BLTP1: variants seen among roughly 807,000 people sequenced by gnomAD.
The protein encoded by BLTP1 is bridge-like lipid transfer protein family member 1.
chr4:122,207,310 G>T, the BLTP1 span: 3 of 1,503,992 alleles, frequency 2.0e-6, no homozygotes, highest in South Asian at 3.6e-5. Context: ...TCTCATTAAG[G>T]CAAATACCAA....
chr4:122,244,902 A>C, the BLTP1 span: 4 of 1,260,666 alleles, frequency 3.2e-6, no homozygotes, highest in African/African-American at 6.1e-5. Flanking sequence ...TTCTCATTTC[A>C]ATGTTGAGCA....
At chr4:122,273,162 T>C in the BLTP1 span, 396 of 923,846 alleles carry the variant, frequency 4.3e-4, no homozygotes, top group Middle Eastern at 5.5e-4. Flanking sequence ...AAGGAAGTTA[T>C]CAATCACCAT....
the BLTP1 span, chr4:122,229,241 G>A: frequency 3.1e-6 from 5 of 1,595,068 alleles, no homozygotes; most frequent in Non-Finnish European, 4.3e-6. Flanking sequence ...AAATATAAAG[G>A]TAAGTGTTTT....
the BLTP1 span, chr4:122,266,931 AAG>A: frequency 1.9e-6 from 3 of 1,593,750 alleles, no homozygotes; most frequent in Non-Finnish European, 2.6e-6. Flanking sequence ...GACACAGCCA[AAG>A]AGAGAAAAGG....
the BLTP1 span, chr4:122,349,737 A>T: frequency 6.5e-7 from 1 of 1,534,504 alleles, no homozygotes; most frequent in South Asian, 1.3e-5. The surrounding 1 kb of genome is among the most constrained non-coding windows in gnomAD (Gnocchi z 4.5). Context: ...TTCTTACAAA[A>T]CTCTTATTTA....
chr4:122,303,499 A>G, the BLTP1 span, among the ~76,000 whole-genome samples: 1 of 152,232 alleles, frequency 6.6e-6, no homozygotes, highest in African/African-American at 2.4e-5. Context: ...ACATTTTGTA[A>G]GGCTACAGTT....
At chr4:122,241,891 C>G in the BLTP1 span, among the ~76,000 whole-genome samples, 1 of 152,038 alleles carries the variant, frequency 6.6e-6, no homozygotes, top group African/African-American at 2.4e-5. Context: ...AGTCAAATCT[C>G]TAGAGAAGAC....
chr4:122,186,920 C>T, the BLTP1 span: 2 of 704,650 alleles, frequency 2.8e-6, no homozygotes, highest in Non-Finnish European at 3.5e-6. Flanking sequence ...TTTTCTTACT[C>T]TTGGCTTATC....
chr4:122,317,025 T>A, the BLTP1 span, among the ~76,000 whole-genome samples: 1 of 152,078 alleles, frequency 6.6e-6, no homozygotes, highest in Admixed American at 6.6e-5. Flanking sequence ...GATTATACAC[T>A]CATTAGTGAT....
the BLTP1 span, among the ~76,000 whole-genome samples, chr4:122,311,632 G>A: frequency 6.6e-6 from 1 of 152,106 alleles, no homozygotes; most frequent in Admixed American, 6.6e-5. Context: ...TTCTCTAGGT[G>A]ATAATGTTTA....
the BLTP1 span, chr4:122,182,686 A>G: frequency 1.3e-5 from 13 of 985,284 alleles, no homozygotes; most frequent in African/African-American, 1.9e-4. Flanking sequence ...TTGGGACCAT[A>G]CGAAATGTTC....
the BLTP1 span, chr4:122,279,676 C>G: frequency 7.3e-7 from 1 of 1,366,618 alleles, no homozygotes; most frequent in South Asian, 1.5e-5. Context: ...GAAGACCTCT[C>G]AAATTTATAA....
At chr4:122,316,808 G>A in the BLTP1 span, 10 of 1,612,812 alleles carry the variant, frequency 6.2e-6, no homozygotes, top group East Asian at 6.7e-5. Context: ...ATTATGAAGC[G>A]TATAGTGGAT....
the BLTP1 span, chr4:122,235,619 CGT>C: frequency 1.3e-5 from 3 of 227,146 alleles, no homozygotes; most frequent in African/African-American, 2.3e-5. Flanking sequence ...TCCTGGCTAA[CGT>C]GGTGAAACCC....
chr4:122,352,390 C>T, the BLTP1 span, among the ~76,000 whole-genome samples: 65 of 125,832 alleles, frequency 5.2e-4, no homozygotes, highest in African/African-American at 1.9e-3. Flanking sequence ...GACAGGTTCT[C>T]ACTCTGTCAT....
chr4:122,346,030 G>A, the BLTP1 span: 8 of 984,546 alleles, frequency 8.1e-6, no homozygotes, highest in East Asian at 1.1e-4. Context: ...CTGACTTAGC[G>A]GGTATCGCTA....
At chr4:122,316,415 A>G in the BLTP1 span, 1 of 477,946 alleles carries the variant, frequency 2.1e-6, no homozygotes, top group Non-Finnish European at 4.3e-6. Context: ...CTTGTAAATC[A>G]CCTACTAGGC....
chr4:122,305,802 C>G, the BLTP1 span: 1 of 1,391,910 alleles, frequency 7.2e-7, no homozygotes, highest in Non-Finnish European at 9.5e-7. Flanking sequence ...GTGAACAATA[C>G]CATTAATAAT....
chr4:122,167,871 A>G, the BLTP1 span: 2 of 985,282 alleles, frequency 2.0e-6, no homozygotes, highest in Non-Finnish European at 2.4e-6. Flanking sequence ...GGAAGAGGAA[A>G]CAACCAGTTT....
Sources: allele counts gnomAD v4.1 joint callset (sites outside exome capture counted in the v4.1 genomes callset), GRCh38; gene constraint gnomAD v4.1.1; non-coding constraint Gnocchi (gnomAD v3.1); transcripts MANE v1.5; gene names NCBI Gene and HGNC (gene_info 2026-07-23, HGNC 2026-07-21).